Variants in ANKRD62 observed in about 807,000 individuals in gnomAD.
The protein encoded by ANKRD62 is ankyrin repeat domain-containing protein 62.
A neutral mutation model predicts 98.8 loss-of-function variants in ANKRD62; 61 were observed. The observed-to-expected ratio is 0.62, with a 90% CI of 0.50 to 0.76. The LOEUF is 0.76. ANKRD62 is among the 30% of genes least tolerant of loss of function. The pLI is 0.00. For missense variants in ANKRD62, 933 were observed against 1,082.9 expected (o/e 0.86, Z 1.94); for synonymous variants, 341 against 367.9 (o/e 0.93, Z 0.84).
At chr18:12,114,567 T>G (rs921381571) in intron 8 of ANKRD62, among the ~76,000 whole-genome samples, 2 of 152,174 alleles carry the variant, frequency 1.3e-5, no homozygotes, top group African/African-American at 4.8e-5. Flanking sequence ...TTATGTTACC[T>G]ACTTTACAGA....
rs1254846470 is a variant in ANKRD62 at position 12,129,078 on chromosome 18, A to G, written c.*1139A>G. ...CAAGACTCCGTCTTAAAAAAAAAAA[A>G]GTGCAAGTTTTCTTGCTACAGCAAA... On this transcript the variant is annotated 3_prime_UTR_variant, in exon 14 of 14. Coordinates refer to ENST00000587848, the MANE Select transcript of ANKRD62 (RefSeq NM_001277333.2). 3 of 152,106 alleles carry G rather than the reference A, an allele frequency of 2.0e-5. No individual in the cohort carries two copies. Among genetic ancestry groups the G allele is most frequent in the African/African-American group, 4.8e-5 (2 of 41,416 alleles). The allele number at this position is 152,106 out of a possible 1,614,324, so 9.4% of individuals were successfully genotyped here.
At chr18:12,154,104 G>A in the ANKRD62 span, among the ~76,000 whole-genome samples, 1 of 152,182 alleles carries the variant, frequency 6.6e-6, no homozygotes. Flanking sequence ...ATTGACAAAT[G>A]GGGTCTAATT....
chr18:12,135,331 C>A, the ANKRD62 span, among the ~76,000 whole-genome samples: 9 of 150,254 alleles, frequency 6.0e-5, no homozygotes, highest in African/African-American at 2.0e-4. Context: ...CTGAGAATGA[C>A]GGTTTCCAGC....
the ANKRD62 span, among the ~76,000 whole-genome samples, chr18:12,155,535 C>G: frequency 6.6e-6 from 1 of 152,182 alleles, no homozygotes; most frequent in Non-Finnish European, 1.5e-5. Context: ...TTCCTTGTCC[C>G]CATGGGCCAC....
chr18:12,102,243 A>C, intron 6 of ANKRD62: 1 of 777,392 alleles, frequency 1.3e-6, no homozygotes. Flanking sequence ...AAGCAGGCCC[A>C]GGAGCAAAAC....
chr18:12,126,049 G>A lies in ANKRD62; in HGVS notation c.2228G>A (p.Arg743Gln), dbSNP rs767207789. Reference protein sequence around the residue: ...HIEHMQGVLSRTQRRLEDIEH... With the variant: ...HIEHMQGVLSQTQRRLEDIEH... ...GAACACATGCAAGGAGTCCTAAGCC[G>A]AACACAGCGTCGATTGGAGGACATT... is the stretch of plus-strand genomic sequence containing the variant. The change falls in exon 13 of 14, where the codon CGA (arginine) becomes CAA (glutamine). Residue 743 changes from arginine (R) to glutamine (Q), a missense_variant. Arg to Gln is a conservative substitution (Grantham distance 43, BLOSUM62 1). Around this residue, in one of 3 missense-constraint regions of ANKRD62, gnomAD observed 362 missense variants for 434.5 expected, o/e 0.83. Coordinates refer to ENST00000587848, the MANE Select transcript of ANKRD62 (RefSeq NM_001277333.2). The A allele has an allele frequency of 3.0e-5, 46 of 1,536,096 alleles. No homozygotes were observed. The highest frequency in any genetic ancestry group is 3.6e-5 in the Non-Finnish European group (41 of 1,146,918).
At chr18:12,127,450 A>AG (rs1441408341) in intron 13 of ANKRD62, among the ~76,000 whole-genome samples, 1 of 152,246 alleles carries the variant, frequency 6.6e-6, no homozygotes, top group African/African-American at 2.4e-5. Context: ...CACTGCCACC[A>AG]GTCCCACCCA....
At chr18:12,099,906 G>A (rs75879013) in intron 6 of ANKRD62, among the ~76,000 whole-genome samples, 3,424 of 151,932 alleles carry the variant, frequency 0.023, 117 homozygotes, top group African/African-American at 0.078. Flanking sequence ...ACTCATTATC[G>A]TAGTTTCTGA....
chr18:12,180,937 C>A, the ANKRD62 span, among the ~76,000 whole-genome samples: 2 of 114,920 alleles, frequency 1.7e-5, no homozygotes, highest in East Asian at 6.4e-4. Context: ...AATGCTATCC[C>A]TCCCCCCCCA....
At chr18:12,137,636 C>T in the ANKRD62 span, among the ~76,000 whole-genome samples, 1 of 152,156 alleles carries the variant, frequency 6.6e-6, no homozygotes, top group Non-Finnish European at 1.5e-5. Context: ...CCAGCTCCTC[C>T]TTGTACCTCT....
At chr18:12,117,349 G>T (rs890463289) in intron 10 of ANKRD62, among the ~76,000 whole-genome samples, 10 of 152,300 alleles carry the variant, frequency 6.6e-5, no homozygotes, top group African/African-American at 2.4e-4. Context: ...CATTGACGAA[G>T]ACAAAAAGCT....
intron 7 of ANKRD62, among the ~76,000 whole-genome samples, chr18:12,105,111 T>C (rs1205878902): frequency 6.6e-6 from 1 of 152,204 alleles, no homozygotes; most frequent in East Asian, 1.9e-4. Flanking sequence ...AGTTTAGTGA[T>C]CCAACAAGCC....
intron 13 of ANKRD62, 36 bp from the exon 14 acceptor site, chr18:12,127,712 T>C: frequency 7.5e-7 from 1 of 1,328,112 alleles, no homozygotes; most frequent in Non-Finnish European, 9.7e-7. Flanking sequence ...TAATAAGTGA[T>C]ATGTAAAATC....
At chr18:12,121,595 G>A (rs897401171) in intron 10 of ANKRD62, among the ~76,000 whole-genome samples, 1 of 152,028 alleles carries the variant, frequency 6.6e-6, no homozygotes, top group African/African-American at 2.4e-5. Context: ...ATTTCTCTCT[G>A]CTTTTGTTTT....
At chr18:12,145,065 C>T in the ANKRD62 span, among the ~76,000 whole-genome samples, 1 of 151,974 alleles carries the variant, frequency 6.6e-6, no homozygotes, top group African/African-American at 2.4e-5. Flanking sequence ...ATTGCTTGAA[C>T]CCAGGAGGCG....
intron 13 of ANKRD62, among the ~76,000 whole-genome samples, chr18:12,127,261 C>T (rs1287287403): frequency 6.6e-6 from 1 of 152,038 alleles, no homozygotes; most frequent in East Asian, 1.9e-4. Context: ...CAGCTGGGGT[C>T]AGGGAGAGAA....
At chr18:12,097,329 C>T (rs1487044291) in intron 4 of ANKRD62, among the ~76,000 whole-genome samples, 3 of 152,102 alleles carry the variant, frequency 2.0e-5, no homozygotes, top group African/African-American at 7.2e-5. Context: ...TAATTTTTCA[C>T]TTAAATTTTT....
rs777192825 is a variant in ANKRD62, at chr18:12,097,778, G to A, written c.752+1G>A. 6 of 1,535,150 alleles carry A rather than the reference G, an allele frequency of 3.9e-6. No individual in the cohort carries two copies. The highest frequency in any genetic ancestry group is 1.2e-5 in the South Asian group (1 of 83,300). On this transcript the variant is annotated splice_donor_variant, in intron 5 of 13. Transcript: ENST00000587848. LOFTEE classifies it high-confidence loss of function. ...ACGCTGTTGCTTCTAAGTTTCAAGC[G>A]TAAGTGTTAAAAAGGCTAGTGAACA...
chr18:12,112,652 C>T (rs905868731), intron 8 of ANKRD62, among the ~76,000 whole-genome samples: 3 of 152,074 alleles, frequency 2.0e-5, no homozygotes, highest in Non-Finnish European at 2.9e-5. Flanking sequence ...ACATAGGCAC[C>T]GGCAAAGATT....
Sources: allele counts gnomAD v4.1 joint callset (sites outside exome capture counted in the v4.1 genomes callset), GRCh38; gene constraint gnomAD v4.1.1; regional missense constraint gnomAD v4.1.1; transcripts MANE v1.5; gene names NCBI Gene and HGNC (gene_info 2026-07-23, HGNC 2026-07-21).